Variants in ANO1 observed in about 807,000 individuals in gnomAD.
ANO1 encodes the protein anoctamin 1, also known as anoctamin-1.
ANO1 carries 59 observed loss-of-function variants against 124.0 expected under a neutral mutation model. The observed-to-expected ratio is 0.48, with a 90% CI of 0.39 to 0.59. The LOEUF is 0.59. ANO1 is among the 20% of genes least tolerant of loss of function. The pLI is 0.00. For synonymous variants in ANO1, 529 were observed against 532.0 expected (o/e 0.99, Z 0.08); for missense variants, 1,059 against 1,328.0 (o/e 0.80, Z 3.15).
At chr11:70,122,917 G>A (rs1478684903) in intron 8 of ANO1, among the ~76,000 whole-genome samples, 4 of 152,198 alleles carry the variant, frequency 2.6e-5, no homozygotes, top group African/African-American at 4.8e-5. Flanking sequence ...GTGTGGCTCC[G>A]CTTCATCAAG....
intron 2 of ANO1, among the ~76,000 whole-genome samples, chr11:70,092,041 GC>G (rs2044648649): frequency 6.6e-6 from 1 of 152,178 alleles, no homozygotes; most frequent in Non-Finnish European, 1.5e-5. Flanking sequence ...TGCCAGCAGG[GC>G]CGCGCTCCCT....
chr11:70,113,970 C>A (rs113445399), intron 7 of ANO1, among the ~76,000 whole-genome samples: 23 of 152,284 alleles, frequency 1.5e-4, no homozygotes, highest in African/African-American at 5.3e-4. Context: ...CCAAATGCAT[C>A]CCTCTTCTTG....
chr11:70,066,169 A>C (rs1323512547), intron 1 of ANO1, among the ~76,000 whole-genome samples: 1 of 152,222 alleles, frequency 6.6e-6, no homozygotes, highest in African/African-American at 2.4e-5. Flanking sequence ...CATTGTGTGA[A>C]TGAAAGAGTG....
At chr11:70,068,917 A>G (rs973751051) in intron 1 of ANO1, among the ~76,000 whole-genome samples, 2 of 152,164 alleles carry the variant, frequency 1.3e-5, no homozygotes, top group African/African-American at 2.4e-5. Flanking sequence ...ATGGTCCCCA[A>G]TGTCACCAGC....
chr11:70,101,259 T>C (rs755771251), intron 2 of ANO1, among the ~76,000 whole-genome samples: 1 of 152,054 alleles, frequency 6.6e-6, no homozygotes, highest in Non-Finnish European at 1.5e-5. Context: ...CTGGGTACAT[T>C]GACTTGACCC....
intron 15 of ANO1, 27 bp downstream of exon 15, chr11:70,156,015 GC>G: frequency 6.8e-7 from 1 of 1,475,992 alleles, no homozygotes; most frequent in South Asian, 1.3e-5. Flanking sequence ...CGGGCAGCGC[GC>G]GTCTTGACTG....
At chr11:70,126,432 A>G (rs2046513884) in intron 10 of ANO1, among the ~76,000 whole-genome samples, 1 of 152,276 alleles carries the variant, frequency 6.6e-6, no homozygotes, top group African/African-American at 2.4e-5. Context: ...AGAGAAAGGC[A>G]TAAAAGAAAC....
intron 14 of ANO1, 94 bp from the exon 15 acceptor site, chr11:70,155,817 C>T: frequency 2.5e-6 from 3 of 1,209,524 alleles, no homozygotes; most frequent in Non-Finnish European, 3.4e-6. Context: ...GGCCAGCCTG[C>T]TGCCAAGATG....
chr11:70,142,847 A>G (rs11822217), intron 11 of ANO1, among the ~76,000 whole-genome samples: 2,913 of 152,274 alleles, frequency 0.019, 116 homozygotes, highest in African/African-American at 0.067. Context: ...AGAGACAGGA[A>G]GCCCGTTCTC....
chr11:69,993,211 C>G (rs4980708), intron 1 of ANO1, among the ~76,000 whole-genome samples: 69,324 of 152,068 alleles, frequency 0.46, 17,271 homozygotes, highest in East Asian at 0.74. Flanking sequence ...TGTGCAAACA[C>G]TACCCTTGAT....
At position 70,150,407 on chromosome 11, in the gene ANO1, C is replaced by T. The variant is rs1031176751; in HGVS notation, c.1341+615C>T. Among the ~76,000 whole-genome samples the T allele has an allele frequency of 2.6e-5, 4 of 152,214 alleles. No homozygotes were observed. In the East Asian group the frequency reaches 5.8e-4, roughly 22 times the overall value. On this transcript the variant is annotated intron_variant, in intron 12 of 25. Coordinates refer to ENST00000355303, the MANE Select transcript of ANO1 (RefSeq NM_018043.7). ...AGGGATCCCAAGTCCAGCAGGAATT[C>T]CCTTCAGGGTAGGTGGGAATGAAAA...
intron 10 of ANO1, among the ~76,000 whole-genome samples, chr11:70,126,405 G>C (rs1370328825): frequency 6.6e-6 from 1 of 152,210 alleles, no homozygotes; most frequent in Non-Finnish European, 1.5e-5. Context: ...TCTGTGCTAG[G>C]CTATGTTTTA....
At chr11:70,131,621 C>T (rs750999827) in intron 10 of ANO1, among the ~76,000 whole-genome samples, 4 of 152,258 alleles carry the variant, frequency 2.6e-5, no homozygotes, top group Non-Finnish European at 4.4e-5. Flanking sequence ...AGTCACCACG[C>T]CCGTCCCATT....
intron 22 of ANO1, among the ~76,000 whole-genome samples, chr11:70,176,751 C>T (rs554584468): frequency 3.3e-5 from 5 of 152,256 alleles, no homozygotes; most frequent in Admixed American, 3.3e-4. Flanking sequence ...TTGGGGGTGC[C>T]CTGGCCGAGA....
chr11:70,014,293 G>A (rs902875), intron 1 of ANO1, among the ~76,000 whole-genome samples: 75,369 of 113,956 alleles, frequency 0.66, 21,205 homozygotes, highest in East Asian at 0.91. Context: ...AGGACAACGT[G>A]CAGGAGCTCT....
chr11:70,114,158 A>C (rs914663997), intron 7 of ANO1, among the ~76,000 whole-genome samples: 2 of 152,240 alleles, frequency 1.3e-5, no homozygotes, highest in African/African-American at 4.8e-5. Flanking sequence ...TTATGCAGCC[A>C]TGTGGGGTCT....
intron 18 of ANO1, among the ~76,000 whole-genome samples, chr11:70,161,958 C>A (rs984804001): frequency 4.6e-5 from 7 of 151,862 alleles, no homozygotes; most frequent in Non-Finnish European, 8.8e-5. Flanking sequence ...GCAGTGGGGA[C>A]CCCAGGCAGT....
rs879358118 is a variant in ANO1 at position 70,111,607 on chromosome 11, G to C, written c.800-100G>C. 6.6e-4 allele frequency: 759 copies of C among 1,156,046 alleles called. 1 individual carries two copies. Among genetic ancestry groups the C allele is most frequent in the Non-Finnish European group, 9.4e-4 (726 of 772,008 alleles). The allele number at this position is 1,156,046 out of a possible 1,614,324, so 71.6% of individuals were successfully genotyped here. Reference sequence around the variant, plus strand: ...AGTCAGGTTCGTTTCATTTTGAGAAGCTCTTAGTGGCTGAGATGGCCCTGT... The same window carrying C: ...AGTCAGGTTCGTTTCATTTTGAGAACCTCTTAGTGGCTGAGATGGCCCTGT... On this transcript the variant is annotated intron_variant, in intron 6 of 25. Coordinates refer to ENST00000355303, the MANE Select transcript of ANO1 (RefSeq NM_018043.7).
intron 22 of ANO1, 43 bp from the exon 23 acceptor site, chr11:70,179,961 A>C (rs1441497466): frequency 2.5e-6 from 4 of 1,570,860 alleles, no homozygotes; most frequent in Non-Finnish European, 3.5e-6. Flanking sequence ...GGAATGACTG[A>C]GAGTGTAGGG....
Sources: gnomAD v4.1 joint callset for allele counts (sites outside exome capture counted in the v4.1 genomes callset) on GRCh38, gnomAD v4.1.1 for gene constraint, MANE v1.5 for transcripts, NCBI Gene and HGNC (gene_info 2026-07-23, HGNC 2026-07-21) for gene names.